Variants in MPPED1 observed in about 807,000 individuals in gnomAD.
The protein encoded by MPPED1 is metallophosphoesterase domain containing 1.
A neutral mutation model predicts 36.2 loss-of-function variants in MPPED1; 16 were observed. The ratio of observed to expected loss-of-function variants is 0.44; its 90% CI spans 0.30 to 0.67. The LOEUF (loss-of-function observed/expected upper bound fraction) is 0.67, where lower values mean the gene tolerates loss of function less well. Among genes scored for constraint, MPPED1 ranks in the 30% least tolerant of loss-of-function variants. The probability of loss-of-function intolerance (pLI) is 0.10; values close to 1 mark genes in which losing one functional copy is unlikely to be tolerated. For synonymous variants in MPPED1, 199 were observed against 191.3 expected, an observed-to-expected ratio of 1.04 and a Z score of -0.33; for missense variants, 307 against 453.4, an observed-to-expected ratio of 0.68 and a Z score of 2.93.
At chr22:43,425,254 C>T in intron 2 of MPPED1, 45 bp downstream of exon 2, 1 of 991,354 alleles carries the variant, frequency 1.0e-6, no homozygotes, top group South Asian at 1.5e-5. Flanking sequence ...TGACGGCCCC[C>T]TGGGGTGGGT....
At chr22:43,495,019 C>T (rs930360380) in intron 4 of MPPED1, among the ~76,000 whole-genome samples, 3 of 152,188 alleles carry the variant, frequency 2.0e-5, no homozygotes, top group Non-Finnish European at 4.4e-5. Context: ...GAGACCCCAC[C>T]TCCTAGTACT....
At chr22:43,434,563 A>G (rs1221208834) in intron 2 of MPPED1, among the ~76,000 whole-genome samples, 1 of 152,196 alleles carries the variant, frequency 6.6e-6, no homozygotes, top group Admixed American at 6.5e-5. Context: ...GCAGAGGTGG[A>G]TGTGAGGTAC....
At chr22:43,495,277 G>GGAGGAGGAGGTACTA in intron 4 of MPPED1, among the ~76,000 whole-genome samples, 1 of 148,144 alleles carries the variant, frequency 6.8e-6, no homozygotes, top group Non-Finnish European at 1.5e-5. Context: ...TGGTGGTGGT[G>GGAGGAGGAGGTACTA]GTGATGGAGG....
In MPPED1 at chr22:43,460,273, C is replaced by A. The variant is rs1930909390; in HGVS notation, c.407-14463C>A. ...CAAAAACAAACCCAAACCCCCCCCC[C>A]CAAACCCAAAGCAAAACAAAACAAA... is the stretch of plus-strand genomic sequence containing the variant. On this transcript the variant is annotated intron_variant, in intron 3 of 6. Transcript: ENST00000443721. Among the ~76,000 whole-genome samples the A allele has an allele frequency of 2.7e-5, 4 of 146,914 alleles. 1 individual carries two copies. The highest frequency in any genetic ancestry group is 7.0e-5 in the Admixed American group (1 of 14,378).
intron 3 of MPPED1, among the ~76,000 whole-genome samples, chr22:43,458,899 G>T (rs1424356433): frequency 2.6e-5 from 4 of 152,150 alleles, no homozygotes; most frequent in Non-Finnish European, 4.4e-5. Flanking sequence ...TGCTACTGAG[G>T]ATTATTTGTG....
chr22:43,498,308 C>A lies in MPPED1; in HGVS notation c.706C>A (p.Pro236Thr). 3 of 1,535,424 alleles carry A rather than the reference C, an allele frequency of 2.0e-6. No homozygotes were observed. Among genetic ancestry groups the A allele is most frequent in the Non-Finnish European group, 2.6e-6 (3 of 1,146,558 alleles). Reference sequence around the variant, plus strand: ...CCTGCTGGAGAAATGGAACCTCATTCCCGAAGGCGTAGACATCCTGATAAC... The same window carrying A: ...CCTGCTGGAGAAATGGAACCTCATTACCGAAGGCGTAGACATCCTGATAAC... Reference protein sequence around the residue: ...QALLEKWNLIPEGVDILITHG... With the variant: ...QALLEKWNLITEGVDILITHG... The change falls in exon 5 of 7, where the codon CCC becomes ACC. Residue 236 changes from proline to threonine, a missense_variant. Physicochemically the swap from Pro to Thr is conservative, Grantham distance 38. Coordinates refer to ENST00000443721, the MANE Select transcript of MPPED1 (RefSeq NM_001044370.2).
intron 3 of MPPED1, among the ~76,000 whole-genome samples, chr22:43,463,811 C>CTTTCTTTCTTTTTTTTTTTTTTT (rs1263255803): frequency 4.1e-5 from 1 of 24,210 alleles, no homozygotes; most frequent in Non-Finnish European, 8.5e-5. Context: ...TTTTTCTTTT[C>CTTTCTTTCTTTTTTTTTTTTTTT]TTTCTTTCTT....
At chr22:43,441,402 C>T (rs891425072) in intron 3 of MPPED1, among the ~76,000 whole-genome samples, 6 of 152,196 alleles carry the variant, frequency 3.9e-5, no homozygotes, top group African/African-American at 1.4e-4. Context: ...TGCCAGCCTA[C>T]TGGCCTCCCT....
At chr22:43,491,479 T>TA in intron 4 of MPPED1, among the ~76,000 whole-genome samples, 1 of 151,244 alleles carries the variant, frequency 6.6e-6, no homozygotes, top group African/African-American at 2.4e-5. Context: ...GTGGTGGTGG[T>TA]GGTGATGGAG....
chr22:43,501,329 TTCC>T (rs1248802637), intron 5 of MPPED1, among the ~76,000 whole-genome samples: 1 of 152,166 alleles, frequency 6.6e-6, no homozygotes, highest in Non-Finnish European at 1.5e-5. Context: ...ATCTCCTTTT[TTCC>T]TCCTTTTTCC....
At chr22:43,501,764 T>G (rs1187516725) in intron 5 of MPPED1, among the ~76,000 whole-genome samples, 1 of 152,112 alleles carries the variant, frequency 6.6e-6, no homozygotes, top group African/African-American at 2.4e-5. Context: ...ACCCAGTGTC[T>G]GCCCCCAGCC....
intron 4 of MPPED1, among the ~76,000 whole-genome samples, chr22:43,488,248 G>A (rs1431079639): frequency 6.6e-6 from 1 of 151,544 alleles, no homozygotes; most frequent in Non-Finnish European, 1.5e-5. Context: ...ACTTCCCAGG[G>A]CCCCCCAAGG....
chr22:43,455,375 G>T (rs760230903), intron 3 of MPPED1, among the ~76,000 whole-genome samples: 21 of 152,128 alleles, frequency 1.4e-4, no homozygotes, highest in Non-Finnish European at 2.8e-4. Context: ...CTCCCAAAGT[G>T]CTGGGATTAC....
At chr22:43,444,279 GGTGTGTGTGTGTGTGT>G (rs35340638) in intron 3 of MPPED1, among the ~76,000 whole-genome samples, 35,680 of 141,878 alleles carry the variant, frequency 0.25, 5,658 homozygotes, top group East Asian at 0.59. Flanking sequence ...GACCCACTGG[GGTGTGTGTGTGTGTGT>G]GTGTGTGTGT....
intron 4 of MPPED1, among the ~76,000 whole-genome samples, chr22:43,476,068 A>T (rs1931567341): frequency 7.4e-6 from 1 of 134,692 alleles, no homozygotes; most frequent in African/African-American, 2.7e-5. Flanking sequence ...GGTGATGATC[A>T]TGGTGGGGGT....
intron 4 of MPPED1, among the ~76,000 whole-genome samples, chr22:43,485,939 C>T (rs753641536): frequency 3.3e-5 from 5 of 152,256 alleles, no homozygotes; most frequent in African/African-American, 9.6e-5. Context: ...CCCTCTCGGG[C>T]AGCCATCGGG....
intron 3 of MPPED1, among the ~76,000 whole-genome samples, chr22:43,457,453 A>T (rs1930793805): frequency 6.6e-6 from 1 of 152,160 alleles, no homozygotes; most frequent in Non-Finnish European, 1.5e-5. Flanking sequence ...TTAAAAAATT[A>T]AAAATTTTAA....
At chr22:43,433,214 G>A (rs1172402134) in intron 2 of MPPED1, among the ~76,000 whole-genome samples, 1 of 152,066 alleles carries the variant, frequency 6.6e-6, no homozygotes, top group African/African-American at 2.4e-5. Flanking sequence ...CCTGATGGAA[G>A]CTTCCAGAAG....
At chr22:43,475,601 GTGA>G (rs1314508937) in intron 4 of MPPED1, among the ~76,000 whole-genome samples, 4 of 132,658 alleles carry the variant, frequency 3.0e-5, no homozygotes, top group Non-Finnish European at 6.5e-5. Context: ...GGTGATGGTG[GTGA>G]TGATGGTGGT....
Sources: allele counts gnomAD v4.1 joint callset (sites outside exome capture counted in the v4.1 genomes callset), GRCh38; gene constraint gnomAD v4.1.1; transcripts MANE v1.5; gene names NCBI Gene and HGNC (gene_info 2026-07-23, HGNC 2026-07-21).